OTUD7A: variants seen among roughly 807,000 people sequenced by gnomAD.
OTUD7A encodes the protein OTU deubiquitinase 7A.
A neutral mutation model predicts 65.7 loss-of-function variants in OTUD7A; 12 were observed. That is an observed-to-expected ratio of 0.18 (90% CI 0.12 to 0.30). OTUD7A has a LOEUF of 0.30. OTUD7A is among the 10% of genes least tolerant of loss of function. The probability of loss-of-function intolerance (pLI) is 1.00; values close to 1 mark genes in which losing one functional copy is unlikely to be tolerated. For synonymous variants in OTUD7A, 641 were observed against 586.3 expected (o/e 1.09, Z -1.35); for missense variants, 1,148 against 1,304.8 (o/e 0.88, Z 1.85).
At chr15:31,820,230 C>G (rs1186635837) in intron 1 of OTUD7A, among the ~76,000 whole-genome samples, 1 of 152,190 alleles carries the variant, frequency 6.6e-6, no homozygotes, top group Non-Finnish European at 1.5e-5. Flanking sequence ...CTGAGACTGT[C>G]TATAAGATGA....
intron 5 of OTUD7A, chr15:31,556,659 C>T (rs1888505586): frequency 6.6e-6 from 1 of 152,266 alleles, no homozygotes; most frequent in South Asian, 2.1e-4. Flanking sequence ...TTGCATGAGA[C>T]TGTGCTTCAC....
chr15:31,596,818 G>A (rs186624475), intron 3 of OTUD7A, among the ~76,000 whole-genome samples: 1 of 151,810 alleles, frequency 6.6e-6, no homozygotes, highest in African/African-American at 2.4e-5. Context: ...TCTATTGTTT[G>A]TATTTTTATA....
At chr15:31,629,390 T>A (rs1302389124) in intron 3 of OTUD7A, among the ~76,000 whole-genome samples, 1 of 152,260 alleles carries the variant, frequency 6.6e-6, no homozygotes, top group East Asian at 1.9e-4. Context: ...TATGCTGGAT[T>A]ACATCTATTG....
At position 31,483,871 on chromosome 15, in the gene OTUD7A, G is replaced by C. The variant is rs1391629863; in HGVS notation, c.2225C>G (p.Ala742Gly). The change falls in exon 13 of 13, where the codon GCG (alanine) becomes GGG (glycine). Residue 742 changes from alanine to glycine, a missense_variant. This residue lies in a region of OTUD7A where 842 missense variants were observed against 769.5 expected (regional missense o/e 1.09). Coordinates refer to ENST00000307050, the MANE Select transcript of OTUD7A (RefSeq NM_001382637.1). ...PSPGPAAGRA[A>G]RAAAGGTASP... Reference sequence around the variant, plus strand: ...GGCCGTGCCGCCCGCCGCCGCCCGCGCCGCACGCCCTGCCGCGGGCCCGGG... The same window carrying C: ...GGCCGTGCCGCCCGCCGCCGCCCGCCCCGCACGCCCTGCCGCGGGCCCGGG... 1.0e-6 allele frequency: 1 copy of C among 987,782 alleles called. No individual in the cohort carries two copies. The highest frequency in any genetic ancestry group is 1.1e-4 in the East Asian group (1 of 8,942). The allele number at this position is 987,782 out of a possible 1,614,324, so 61.2% of individuals were successfully genotyped here.
At chr15:31,695,315 G>A (rs1893053209) in intron 1 of OTUD7A, among the ~76,000 whole-genome samples, 1 of 139,280 alleles carries the variant, frequency 7.2e-6, no homozygotes, top group South Asian at 2.8e-4. Context: ...GGATTACATG[G>A]TAGTTCTAGT....
intron 1 of OTUD7A, among the ~76,000 whole-genome samples, chr15:31,814,729 G>C (rs1896505712): frequency 6.6e-6 from 1 of 152,044 alleles, no homozygotes; most frequent in Admixed American, 6.5e-5. Flanking sequence ...TCACCATGTT[G>C]GCCAGGCTGG....
In OTUD7A at chr15:31,639,454, C is replaced by G. The variant is rs1430983845; in HGVS notation, c.151+15642G>C. ...AGGTTGCTTCCAGTTTTTTAGCCCT[C>G]ACTAAGAATGCCAAAAACATCTGTG... On this transcript the variant is annotated intron_variant, in intron 3 of 12. Coordinates refer to ENST00000307050, the MANE Select transcript of OTUD7A (RefSeq NM_001382637.1). 2.7e-5 allele frequency among the ~76,000 whole-genome samples: 4 copies of G among 147,484 alleles called. No homozygotes were observed. The South Asian group carries it at 6.3e-4, about 23-fold the overall frequency.
chr15:31,544,122 A>G (rs1218744492), intron 5 of OTUD7A, among the ~76,000 whole-genome samples: 3 of 151,900 alleles, frequency 2.0e-5, no homozygotes, highest in Non-Finnish European at 4.4e-5. Context: ...ACAAAGAAGC[A>G]CTTACAATAA....
At chr15:31,596,078 G>A (rs1889894843) in intron 3 of OTUD7A, among the ~76,000 whole-genome samples, 2 of 152,100 alleles carry the variant, frequency 1.3e-5, no homozygotes, top group Admixed American at 1.3e-4. Context: ...AAAGTCACCT[G>A]ATTAGCGACC....
chr15:31,640,121 AT>A (rs1257816807), intron 3 of OTUD7A, among the ~76,000 whole-genome samples: 1 of 152,206 alleles, frequency 6.6e-6, no homozygotes, highest in African/African-American at 2.4e-5. Flanking sequence ...AATTAATGGC[AT>A]TTGAGCGACC....
intron 1 of OTUD7A, among the ~76,000 whole-genome samples, chr15:31,726,652 C>A (rs1893897779): frequency 6.6e-6 from 1 of 152,174 alleles, no homozygotes; most frequent in South Asian, 2.1e-4. Context: ...AAGAAATATG[C>A]CCTTGAGAAC....
At chr15:31,792,802 C>T (rs1359347927) in intron 1 of OTUD7A, among the ~76,000 whole-genome samples, 4 of 152,214 alleles carry the variant, frequency 2.6e-5, no homozygotes, top group Middle Eastern at 3.2e-3. Context: ...CAGTGACTGG[C>T]CCCAGTGGGA....
At chr15:31,803,989 G>T (rs963781067) in intron 1 of OTUD7A, among the ~76,000 whole-genome samples, 1 of 152,134 alleles carries the variant, frequency 6.6e-6, no homozygotes, top group Non-Finnish European at 1.5e-5. Flanking sequence ...CCCCTTATTG[G>T]TGGGTACATC....
At chr15:31,781,904 T>C (rs1895550427) in intron 1 of OTUD7A, among the ~76,000 whole-genome samples, 1 of 152,258 alleles carries the variant, frequency 6.6e-6, no homozygotes, top group East Asian at 1.9e-4. Context: ...CGTGGGAGAC[T>C]GAGTATTAGA....
At chr15:31,581,193 T>C (rs1319562578) in intron 3 of OTUD7A, among the ~76,000 whole-genome samples, 2 of 152,256 alleles carry the variant, frequency 1.3e-5, no homozygotes, top group Non-Finnish European at 2.9e-5. Flanking sequence ...ACTTCCAGGT[T>C]ATGCTGATGC....
At chr15:31,551,503 G>A (rs1338549731) in intron 5 of OTUD7A, among the ~76,000 whole-genome samples, 4 of 152,162 alleles carry the variant, frequency 2.6e-5, no homozygotes, top group Non-Finnish European at 5.9e-5. Flanking sequence ...CACACGTGGG[G>A]AGCTATTAGT....
chr15:31,685,366 C>T (rs1318006354), intron 1 of OTUD7A, among the ~76,000 whole-genome samples: 3 of 152,130 alleles, frequency 2.0e-5, no homozygotes, highest in Non-Finnish European at 2.9e-5. Flanking sequence ...CAGTTACTGG[C>T]TGGGTGCGGT....
intron 5 of OTUD7A, among the ~76,000 whole-genome samples, chr15:31,541,765 C>T (rs554924526): frequency 7.2e-5 from 11 of 152,134 alleles, no homozygotes; most frequent in Admixed American, 4.6e-4. Context: ...AGGCTGGAGA[C>T]CCTGAAATGT....
chr15:31,608,649 G>A (rs568310061), intron 3 of OTUD7A, among the ~76,000 whole-genome samples: 1 of 152,330 alleles, frequency 6.6e-6, no homozygotes, highest in African/African-American at 2.4e-5. Context: ...ATCGTAAGTT[G>A]AACTATCATA....
Sources: gnomAD v4.1 joint callset for allele counts (sites outside exome capture counted in the v4.1 genomes callset) on GRCh38, gnomAD v4.1.1 for gene constraint, gnomAD v4.1.1 regional missense constraint, MANE v1.5 for transcripts, NCBI Gene and HGNC (gene_info 2026-07-23, HGNC 2026-07-21) for gene names.